GSK3A: variants seen among roughly 807,000 people sequenced by gnomAD.
GSK3A encodes glycogen synthase kinase 3 alpha.
GSK3A carries 14 observed loss-of-function variants against 56.6 expected under a neutral mutation model. The ratio of observed to expected loss-of-function variants is 0.25; its 90% confidence interval spans 0.16 to 0.39. The LOEUF (loss-of-function observed/expected upper bound fraction) is 0.39. Ranked by LOEUF, GSK3A falls within the 10% of genes least tolerant of loss-of-function variation. The probability of loss-of-function intolerance (pLI) is 1.00; values close to 1 mark genes in which losing one functional copy is unlikely to be tolerated. For synonymous variants in GSK3A, 301 were observed against 285.0 expected, an observed-to-expected ratio of 1.06 and a Z score of -0.56; for missense variants, 450 against 656.0, an observed-to-expected ratio of 0.69 and a Z score of 3.43.
rs2036247416 is a variant in GSK3A at position 42,234,982 on chromosome 19, C to T, written c.667-304G>A. Among the ~76,000 whole-genome samples the T allele has an allele frequency of 6.6e-6, 1 of 152,164 alleles. No individual in the cohort carries two copies. The highest frequency in any genetic ancestry group is 1.9e-4 in the East Asian group (1 of 5,200). ...TCTCTACTAAAAATACAAAAATTAG[C>T]CGGGCGTGGTGGTGCACACCTGTAA... is the stretch of plus-strand genomic sequence containing the variant. On this transcript the variant is annotated intron_variant, in intron 4 of 10. Coordinates refer to ENST00000222330, the MANE Select transcript of GSK3A (RefSeq NM_019884.3). The surrounding 1 kb of genome is among the most constrained non-coding windows in gnomAD (Gnocchi z 5.7).
chr19:42,242,144 C>A (rs376056855), intron 1 of GSK3A, 39 bp downstream of exon 1: 1 of 1,313,072 alleles, frequency 7.6e-7, no homozygotes, highest in Non-Finnish European at 9.7e-7. Flanking sequence ...GCTTTGGGAA[C>A]CCTAATCACC....
chr19:42,234,444 G>T lies in GSK3A; in HGVS notation c.813C>A (p.Val271=). Residue 271 remains valine (V), a synonymous_variant, in exon 6 of 11, where the codon GTC becomes GTA. Coordinates refer to ENST00000222330, the MANE Select transcript of GSK3A (RefSeq NM_019884.3). The surrounding 1 kb of genome is among the most constrained non-coding windows in gnomAD (Gnocchi z 5.7). The part of the protein sequence containing the change: ...LCDFGSAKQL[V]RGEPNVSYIC... ...TGTAGGAGACATTGGGCTCCCCTCGGACCAACTGCTTTGCACTGTGGGAAG... is the reference window on the plus strand; with the variant it reads ...TGTAGGAGACATTGGGCTCCCCTCGTACCAACTGCTTTGCACTGTGGGAAG... 1 of 1,614,134 alleles carries T rather than the reference G, an allele frequency of 6.2e-7. No individual in the cohort carries two copies. The highest frequency in any genetic ancestry group is 8.5e-7 in the Non-Finnish European group (1 of 1,179,982).
Position 42,242,251 on chromosome 19 carries a change from C to T in GSK3A, c.215G>A (p.Ser72Asn), listed in dbSNP as rs752541196. The stretch of plus-strand genomic sequence containing the variant: ...GGGGCCTCCGCTGCCTCCTCCGCCG[C>T]TGCCGCCGGGTCCACCCCCGGAGCT... ...ASSSGGGPGG[S>N]GGGGSGGPGA... Residue 72 changes from serine (S) to asparagine (N), a missense_variant, in exon 1 of 11, where the codon AGC (serine) becomes AAC (asparagine). Around this residue, in one of 3 missense-constraint regions of GSK3A, gnomAD observed 193 missense variants for 200.5 expected, o/e 0.96. Transcript: ENST00000222330. 1.0e-5 allele frequency: 15 copies of T among 1,435,716 alleles called. No homozygotes were observed. The South Asian group carries it at 1.9e-4, about 18-fold the overall frequency. 88.9% of individuals were successfully genotyped at this position (1,435,716 alleles called of 1,614,324 possible). A position where few individuals can be genotyped will look rare whatever the true frequency, so the allele number is the denominator to read the frequency against.
At chr19:42,231,065 A>G (rs2036220749) in intron 10 of GSK3A, among the ~76,000 whole-genome samples, 198 bp from the exon 11 acceptor site, 1 of 152,222 alleles carries the variant, frequency 6.6e-6, no homozygotes, top group Admixed American at 6.5e-5. Context: ...CAGGCTCCAT[A>G]TAAGGCGGTG....
At position 42,238,736 on chromosome 19, in the gene GSK3A, C is replaced by T. The variant is rs144954236; in HGVS notation, c.471+1219G>A. ...GCACTTTGGGAGGTCGAGGTGGGGG[C>T]GGATTACTTGAGGTCAGGAGTTCGA... On this transcript the variant is annotated intron_variant, in intron 2 of 10. Coordinates refer to ENST00000222330, the MANE Select transcript of GSK3A (RefSeq NM_019884.3). Among the ~76,000 whole-genome samples, 42 of 149,280 alleles carry T rather than the reference C, an allele frequency of 2.8e-4. No individual in the cohort carries two copies. The East Asian group carries it at 6.9e-3, about 24-fold the overall frequency.
Position 42,234,629 on chromosome 19 carries a change from C to G in GSK3A, c.716G>C (p.Gly239Ala), listed in dbSNP as rs1212146016. ...GGGCTTGATGTCGCGGTGACACACG[C>G]CCTGGGAGTGGATGTAGGCCAAGCT... Reference protein sequence around the residue: ...FRSLAYIHSQGVCHRDIKPQN... With the variant: ...FRSLAYIHSQAVCHRDIKPQN... The change falls in exon 5 of 11, where the codon GGC (glycine) becomes GCC (alanine). Residue 239 changes from glycine (G) to alanine (A), a missense_variant. Coordinates refer to ENST00000222330, the MANE Select transcript of GSK3A (RefSeq NM_019884.3). This position sits in a 1 kb window ranked among gnomAD's most constrained non-coding sequence, Gnocchi z 5.7. The G allele has an allele frequency of 6.2e-7, 1 of 1,613,282 alleles. No homozygotes were observed. Among genetic ancestry groups the G allele is most frequent in the Non-Finnish European group, 8.5e-7 (1 of 1,179,758 alleles).
chr19:42,232,299 C>A, intron 9 of GSK3A, 150 bp from the exon 10 acceptor site: 1 of 748,134 alleles, frequency 1.3e-6, no homozygotes, highest in Non-Finnish European at 2.3e-6. Flanking sequence ...AAAAGCTTAG[C>A]ACAAGGCAGA....
rs183587690 is a variant in GSK3A, at chr19:42,236,465, G to A, written c.666+141C>T. The A allele has an allele frequency of 5.2e-5, 35 of 667,328 alleles. No homozygotes were observed. The African/African-American group carries it at 5.3e-4, about 10-fold the overall frequency. The allele number at this position is 667,328 out of a possible 1,614,324, so 41.3% of individuals were successfully genotyped here. A position where few individuals can be genotyped will look rare whatever the true frequency, so the allele number is the denominator to read the frequency against. On this transcript the variant is annotated intron_variant, in intron 4 of 10. Transcript: ENST00000222330. ...TGTTAGGCGAGCTCCATCTCGGGGG[G>A]TTATGGGAACAACAGCAGGGGACAT...
chr19:42,238,924 G>A (rs1037786094), intron 2 of GSK3A, among the ~76,000 whole-genome samples: 2 of 150,286 alleles, frequency 1.3e-5, no homozygotes, highest in African/African-American at 2.4e-5. Flanking sequence ...GGCCAAGATC[G>A]TGCCACTGCA....
intron 6 of GSK3A, among the ~76,000 whole-genome samples, chr19:42,233,896 C>T (rs1239013922): frequency 2.0e-5 from 3 of 152,206 alleles, no homozygotes; most frequent in East Asian, 1.9e-4. Flanking sequence ...TTCAAACTCT[C>T]ATGCCCATTC....
At chr19:42,233,255 A>ACCCCCAGCCCCCC in intron 7 of GSK3A, 31 bp downstream of exon 7, 6 of 1,197,348 alleles carry the variant, frequency 5.0e-6, no homozygotes, top group Non-Finnish European at 7.1e-6. Flanking sequence ...CCTCAGCCCC[A>ACCCCCAGCCCCCC]CCCCCTGCCC....
rs534807885 is a variant in GSK3A, at chr19:42,237,704, T to C, written c.472-763A>G. On this transcript the variant is annotated intron_variant, in intron 2 of 10. Coordinates refer to ENST00000222330, the MANE Select transcript of GSK3A (RefSeq NM_019884.3). Reference sequence around the variant, plus strand: ...CATCCTGGTTAACACGGTGAAACCCTGTCTCTACTAAAAATACAAAAAAAA... The same window carrying C: ...CATCCTGGTTAACACGGTGAAACCCCGTCTCTACTAAAAATACAAAAAAAA... Among the ~76,000 whole-genome samples, 406 of 149,414 alleles carry C rather than the reference T, an allele frequency of 2.7e-3. 3 individuals carry two copies. The highest frequency in any genetic ancestry group is 1.5e-3 in the Non-Finnish European group (102 of 67,204).
chr19:42,234,627 C>T lies in GSK3A; in HGVS notation c.718G>A (p.Val240Met), dbSNP rs766460072. 20 of 1,613,094 alleles carry T rather than the reference C, an allele frequency of 1.2e-5. No homozygotes were observed. The highest frequency in any genetic ancestry group is 2.2e-5 in the East Asian group (1 of 44,854). The change falls in exon 5 of 11, where the codon GTG (valine) becomes ATG (methionine). Residue 240 changes from valine to methionine, a missense_variant. Around this residue, in one of 3 missense-constraint regions of GSK3A, gnomAD observed 144 missense variants for 308.0 expected, o/e 0.47. Transcript: ENST00000222330. The surrounding 1 kb of genome is among the most constrained non-coding windows in gnomAD (Gnocchi z 5.7). ...TGGGGCTTGATGTCGCGGTGACACA[C>T]GCCCTGGGAGTGGATGTAGGCCAAG... is the stretch of plus-strand genomic sequence containing the variant. ...RSLAYIHSQGVCHRDIKPQNL... is the reference protein window; with the variant it reads ...RSLAYIHSQGMCHRDIKPQNL...
Position 42,230,869 on chromosome 19 carries a change from T to TGGAG in GSK3A, c.1379-6_1379-3dup, listed in dbSNP as rs1476601116. On this transcript the variant is annotated splice_region_variant and splice_polypyrimidine_tract_variant and intron_variant, in intron 10 of 10. Transcript: ENST00000222330. The stretch of plus-strand genomic sequence containing the variant: ...AGCTGGTCGGAGTCTCAGTTAAAGC[T>TGGAG]GGAGGGAGGCAGGGAAGGAGCAGAG... The TGGAG allele has an allele frequency of 5.1e-6, 8 of 1,556,736 alleles. No homozygotes were observed. Among genetic ancestry groups the TGGAG allele is most frequent in the Non-Finnish European group, 6.1e-6 (7 of 1,149,142 alleles).
chr19:42,234,627 C>A lies in GSK3A; in HGVS notation c.718G>T (p.Val240Leu). 1 of 1,613,212 alleles carries A rather than the reference C, an allele frequency of 6.2e-7. No individual in the cohort carries two copies. Among genetic ancestry groups the A allele is most frequent in the Non-Finnish European group, 8.5e-7 (1 of 1,179,668 alleles). The change falls in exon 5 of 11, where the codon GTG becomes TTG. Residue 240 changes from valine to leucine, a missense_variant. Val to Leu is a conservative substitution (Grantham distance 32). Around this residue, in one of 3 missense-constraint regions of GSK3A, gnomAD observed 144 missense variants for 308.0 expected, o/e 0.47. Transcript: ENST00000222330. This position sits in a 1 kb window ranked among gnomAD's most constrained non-coding sequence, Gnocchi z 5.7. ...RSLAYIHSQG[V>L]CHRDIKPQNL... ...TGGGGCTTGATGTCGCGGTGACACA[C>A]GCCCTGGGAGTGGATGTAGGCCAAG...
At position 42,242,596 on chromosome 19, in the gene GSK3A, G is replaced by T; in HGVS notation, c.-131C>A. 2 of 759,962 alleles carry T rather than the reference G, an allele frequency of 2.6e-6. No homozygotes were observed. Among genetic ancestry groups the T allele is most frequent in the Non-Finnish European group, 3.6e-6 (2 of 559,582 alleles). 47.1% of individuals were successfully genotyped at this position (759,962 alleles called of 1,614,324 possible). The stretch of plus-strand genomic sequence containing the variant: ...CGCTCTGGCTTGGGCTCCGGCTCCG[G>T]CCCAGCGCCCGCCGCGGGGCACGCC... On this transcript the variant is annotated 5_prime_UTR_variant, in exon 1 of 11. Transcript: ENST00000222330.
rs776647952 is a variant in GSK3A, at chr19:42,234,574, A to G, written c.771T>C (p.Ala257=). The change falls in exon 5 of 11, where the codon GCT becomes GCC. Residue 257 remains alanine (A), a synonymous_variant. Coordinates refer to ENST00000222330, the MANE Select transcript of GSK3A (RefSeq NM_019884.3). This position sits in a 1 kb window ranked among gnomAD's most constrained non-coding sequence, Gnocchi z 5.7. ...PQNLLVDPDT[A]VLKLCDFGSA... ...TGCCAAAATCGCAGAGCTTGAGGACAGCAGTGTCAGGGTCCACCAGCAGGT... is the reference window on the plus strand; with the variant it reads ...TGCCAAAATCGCAGAGCTTGAGGACGGCAGTGTCAGGGTCCACCAGCAGGT... The G allele has an allele frequency of 1.2e-5, 20 of 1,614,090 alleles. No individual in the cohort carries two copies. Among genetic ancestry groups the G allele is most frequent in the Non-Finnish European group, 1.7e-5 (20 of 1,179,944 alleles).
chr19:42,233,052 AC>A (rs2036234450), intron 8 of GSK3A, 57 bp downstream of exon 8: 1 of 1,099,992 alleles, frequency 9.1e-7, no homozygotes, highest in African/African-American at 1.6e-5. Flanking sequence ...AGAACAGTTG[AC>A]CTCCAAGGGG....
intron 2 of GSK3A, among the ~76,000 whole-genome samples, chr19:42,239,290 C>A (rs779910059): frequency 6.6e-6 from 1 of 152,220 alleles, no homozygotes; most frequent in Non-Finnish European, 1.5e-5. Context: ...CTGCCAAGAC[C>A]GAGGCCCTGG....
Sources: gnomAD v4.1 joint callset for allele counts (sites outside exome capture counted in the v4.1 genomes callset) on GRCh38, gnomAD v4.1.1 for gene constraint, gnomAD v4.1.1 regional missense constraint, Gnocchi (gnomAD v3.1) non-coding constraint, MANE v1.5 for transcripts, NCBI Gene and HGNC (gene_info 2026-07-23, HGNC 2026-07-21) for gene names.